SNTG1: variants seen among roughly 807,000 people sequenced by gnomAD.
SNTG1 encodes syntrophin gamma 1, also known as gamma-1-syntrophin.
In SNTG1, 39 loss-of-function variants were observed where a neutral mutation model predicts 74.7. The ratio of observed to expected loss-of-function variants is 0.52; its 90% CI spans 0.40 to 0.68. The LOEUF is 0.68. Ranked by LOEUF, SNTG1 falls within the 30% of genes least tolerant of loss-of-function variation. The pLI, the probability that SNTG1 is intolerant of heterozygous loss-of-function variation, is 0.00. For missense variants in SNTG1, 685 were observed against 609.5 expected, an observed-to-expected ratio of 1.12 and a Z score of -1.30; for synonymous variants, 254 against 217.1, an observed-to-expected ratio of 1.17 and a Z score of -1.49.
intron 1 of SNTG1, among the ~76,000 whole-genome samples, chr8:50,107,377 C>T (rs1393312055): frequency 6.6e-6 from 1 of 152,048 alleles, no homozygotes; most frequent in East Asian, 1.9e-4. Flanking sequence ...GAAAGATTCT[C>T]ACACATGTAT....
chr8:50,654,439 C>T (rs774278197), intron 13 of SNTG1, among the ~76,000 whole-genome samples: 3 of 152,006 alleles, frequency 2.0e-5, no homozygotes, highest in Non-Finnish European at 4.4e-5. Context: ...AATCTATTAT[C>T]TCAGATATAC....
At chr8:50,384,322 G>A (rs534164247) in intron 2 of SNTG1, among the ~76,000 whole-genome samples, 1 of 152,232 alleles carries the variant, frequency 6.6e-6, no homozygotes, top group South Asian at 2.1e-4. Flanking sequence ...TGTGAGGTGA[G>A]TGCCTTGATC....
At chr8:50,095,015 G>A (rs141713050) in intron 1 of SNTG1, among the ~76,000 whole-genome samples, 43 of 152,300 alleles carry the variant, frequency 2.8e-4, no homozygotes, top group African/African-American at 1.0e-3. Flanking sequence ...CAACATGGTT[G>A]CAGCTGGAGG....
At chr8:50,236,435 A>G (rs936012849) in intron 2 of SNTG1, among the ~76,000 whole-genome samples, 1 of 149,696 alleles carries the variant, frequency 6.7e-6, no homozygotes, top group African/African-American at 2.4e-5. Flanking sequence ...GTTTACAGAA[A>G]CTTTTTAATT....
intron 4 of SNTG1, among the ~76,000 whole-genome samples, chr8:50,428,791 C>G (rs575442383): frequency 5.3e-5 from 8 of 152,162 alleles, no homozygotes; most frequent in Admixed American, 3.3e-4. Context: ...AATTTATTCT[C>G]TTTAATTAGA....
At chr8:50,532,211 T>C (rs1295602463) in intron 10 of SNTG1, among the ~76,000 whole-genome samples, 1 of 152,162 alleles carries the variant, frequency 6.6e-6, no homozygotes. Context: ...AGTATCATGA[T>C]GCTATAGAGA....
chr8:50,182,304 C>A (rs1480505028), intron 2 of SNTG1, among the ~76,000 whole-genome samples: 1 of 152,064 alleles, frequency 6.6e-6, no homozygotes, highest in African/African-American at 2.4e-5. Flanking sequence ...TTGCCGATTG[C>A]CCTTCTCCAA....
At chr8:50,372,288 T>A (rs1395261080) in intron 2 of SNTG1, among the ~76,000 whole-genome samples, 7 of 151,858 alleles carry the variant, frequency 4.6e-5, no homozygotes, top group Admixed American at 3.3e-4. Context: ...CTATAGTTAT[T>A]TTTTTTCGGG....
intron 15 of SNTG1, among the ~76,000 whole-genome samples, chr8:50,660,827 C>A (rs58731732): frequency 0.035 from 5,254 of 152,116 alleles, 287 homozygotes; most frequent in African/African-American, 0.12. Flanking sequence ...ACAATATGTT[C>A]TATCTCTTTG....
intron 4 of SNTG1, among the ~76,000 whole-genome samples, chr8:50,427,539 C>T (rs2093178697): frequency 6.6e-6 from 1 of 152,200 alleles, no homozygotes; most frequent in East Asian, 1.9e-4. Flanking sequence ...AGCTGTCCTG[C>T]CTCAGCCTCC....
chr8:50,483,335 A>C (rs925902808), intron 8 of SNTG1, among the ~76,000 whole-genome samples: 1 of 152,174 alleles, frequency 6.6e-6, no homozygotes, highest in African/African-American at 2.4e-5. Context: ...TAAGCAACAT[A>C]TAAGGCAGAC....
chr8:50,401,376 C>T lies in SNTG1; in HGVS notation c.28-834C>T, dbSNP rs56822119. 9.1e-3 allele frequency among the ~76,000 whole-genome samples: 1,383 copies of T among 152,260 alleles called. 27 individuals carry two copies. Among genetic ancestry groups the T allele is most frequent in the African/African-American group, 0.032 (1,310 of 41,540 alleles). ...TATGTATTCTGGATAAATGACAAGA[C>T]TCATGGACTTCTTTGGTGATTACTA... On this transcript the variant is annotated intron_variant, in intron 3 of 18. Transcript: ENST00000642720.
At chr8:49,922,195 G>A (rs533477399) in intron 1 of SNTG1, among the ~76,000 whole-genome samples, 20 of 152,148 alleles carry the variant, frequency 1.3e-4, no homozygotes, top group African/African-American at 3.6e-4. Flanking sequence ...GGAATTTCCC[G>A]AGTTCAGGCA....
At chr8:49,927,771 G>A (rs1807159872) in intron 1 of SNTG1, among the ~76,000 whole-genome samples, 2 of 151,962 alleles carry the variant, frequency 1.3e-5, no homozygotes, top group Admixed American at 6.6e-5. Context: ...GTCATTATAT[G>A]TTTGTCCAGA....
intron 1 of SNTG1, among the ~76,000 whole-genome samples, chr8:49,958,127 T>C (rs965840206): frequency 2.0e-5 from 3 of 151,814 alleles, no homozygotes; most frequent in African/African-American, 7.3e-5. Flanking sequence ...GAAATGAAGG[T>C]AGGTGAGAGA....
intron 2 of SNTG1, among the ~76,000 whole-genome samples, chr8:50,340,246 G>A (rs1415740433): frequency 6.6e-6 from 1 of 151,928 alleles, no homozygotes; most frequent in African/African-American, 2.4e-5. Flanking sequence ...GAAAGCAAAA[G>A]CCCAGAATGG....
chr8:49,969,307 G>A (rs894582456), intron 1 of SNTG1, among the ~76,000 whole-genome samples: 5 of 151,340 alleles, frequency 3.3e-5, no homozygotes, highest in Non-Finnish European at 5.9e-5. Flanking sequence ...TTCACCACAG[G>A]ATGCCATAAA....
At chr8:50,421,328 T>G (rs2093084461) in intron 4 of SNTG1, among the ~76,000 whole-genome samples, 2 of 152,196 alleles carry the variant, frequency 1.3e-5, no homozygotes, top group Non-Finnish European at 2.9e-5. Flanking sequence ...ATTTCTTGAT[T>G]GTATGCTAAA....
At chr8:49,966,553 T>G (rs1301590286) in intron 1 of SNTG1, among the ~76,000 whole-genome samples, 3 of 151,752 alleles carry the variant, frequency 2.0e-5, no homozygotes, top group African/African-American at 7.3e-5. Context: ...CGCTACCACA[T>G]CTGGCTAATT....
Sources: allele counts gnomAD v4.1 joint callset (sites outside exome capture counted in the v4.1 genomes callset), GRCh38; gene constraint gnomAD v4.1.1; transcripts MANE v1.5; gene names NCBI Gene and HGNC (gene_info 2026-07-23, HGNC 2026-07-21).